TRIO: variants seen among roughly 807,000 people sequenced by gnomAD.
TRIO encodes trio Rho guanine nucleotide exchange factor.
Under a neutral mutation model 351.9 loss-of-function variants are expected in TRIO, and 58 were observed. The observed-to-expected ratio is 0.16, with a 90% CI of 0.13 to 0.21. The LOEUF is 0.21. TRIO is among the 10% of genes least tolerant of loss of function. The pLI is 1.00. For missense variants in TRIO, 3,201 were observed against 4,027.8 expected (o/e 0.79, Z 5.56); for synonymous variants, 1,758 against 1,595.7 (o/e 1.10, Z -2.42).
chr5:14,277,125 A>G (rs556901228), intron 2 of TRIO, among the ~76,000 whole-genome samples: 1 of 152,320 alleles, frequency 6.6e-6, no homozygotes, highest in East Asian at 1.9e-4. Context: ...AGCATTGTGT[A>G]TTCTTAAATC....
intron 55 of TRIO, among the ~76,000 whole-genome samples, chr5:14,505,267 C>G (rs765997228): frequency 3.9e-5 from 6 of 152,230 alleles, no homozygotes; most frequent in Non-Finnish European, 8.8e-5. Flanking sequence ...GGGGTGAGTC[C>G]GGCAGGGAGC....
intron 2 of TRIO, among the ~76,000 whole-genome samples, chr5:14,276,185 T>C (rs1735505316): frequency 6.6e-6 from 1 of 152,202 alleles, no homozygotes; most frequent in Non-Finnish European, 1.5e-5. Context: ...GGTCTAGTTT[T>C]GCAGAGTACT....
chr5:14,434,190 G>A (rs538924873), intron 34 of TRIO, among the ~76,000 whole-genome samples: 96 of 152,304 alleles, frequency 6.3e-4, no homozygotes, highest in African/African-American at 1.8e-3. Context: ...CATATGAGCT[G>A]CTTTTCAACT....
At chr5:14,225,125 G>A (rs920961345) in intron 1 of TRIO, among the ~76,000 whole-genome samples, 6 of 152,108 alleles carry the variant, frequency 3.9e-5, no homozygotes, top group Non-Finnish European at 7.3e-5. Flanking sequence ...AAGTTTATCT[G>A]AATCGTAGAG....
intron 11 of TRIO, among the ~76,000 whole-genome samples, chr5:14,349,456 A>G (rs372434325): frequency 5.9e-5 from 9 of 152,046 alleles, no homozygotes; most frequent in East Asian, 5.8e-4. Flanking sequence ...CTTTCAGACT[A>G]TTTTAGAGGA....
chr5:14,384,276 G>C (rs1746358864), intron 21 of TRIO, among the ~76,000 whole-genome samples: 1 of 152,184 alleles, frequency 6.6e-6, no homozygotes. Flanking sequence ...CTGATCACCA[G>C]CGTCCGCAAT....
intron 15 of TRIO, 69 bp downstream of exon 15, chr5:14,364,885 A>C: frequency 1.3e-6 from 2 of 1,512,564 alleles, no homozygotes. Flanking sequence ...ACTTCCCGGA[A>C]ATTCTGACCT....
In TRIO at chr5:14,143,743, C is replaced by T. The variant is rs1787316498; in HGVS notation, c.18C>T (p.Gly6=). ...CCGCAGCCATGAGCGGCAGCAGCGGCGGAGCCGCCGCCCCCGCCGCGTCCT... is the reference window on the plus strand; with the variant it reads ...CCGCAGCCATGAGCGGCAGCAGCGGTGGAGCCGCCGCCCCCGCCGCGTCCT... MSGSS[G]GAAAPAASSG... The change falls in exon 1 of 57, where the codon GGC becomes GGT. Residue 6 remains glycine (G), a synonymous_variant. Transcript: ENST00000344204. 1 of 981,786 alleles carries T rather than the reference C, an allele frequency of 1.0e-6. No individual in the cohort carries two copies. Among genetic ancestry groups the T allele is most frequent in the African/African-American group, 1.8e-5 (1 of 56,476 alleles). 60.8% of individuals were successfully genotyped at this position (981,786 alleles called of 1,614,324 possible).
At position 14,461,236 on chromosome 5, in the gene TRIO, C is replaced by T. The variant is rs777775688; in HGVS notation, c.5421C>T (p.Arg1807=). The T allele has an allele frequency of 3.1e-6, 5 of 1,587,380 alleles. No homozygotes were observed. Among genetic ancestry groups the T allele is most frequent in the Non-Finnish European group, 4.3e-6 (5 of 1,168,108 alleles). ...AHKHKKSREV[R]KSADAGSQKD... is the part of the protein sequence containing the mutation. Reference sequence around the variant, plus strand: ...AGCACAAGAAGAGCCGCGAGGTCCGCAAGAGCGCCGACGCCGGCTCGCAGA... The same window carrying T: ...AGCACAAGAAGAGCCGCGAGGTCCGTAAGAGCGCCGACGCCGGCTCGCAGA... Residue 1807 remains arginine, a synonymous_variant, in exon 35 of 57, where the codon CGC becomes CGT. Coordinates refer to ENST00000344204, the MANE Select transcript of TRIO (RefSeq NM_007118.4).
At chr5:14,154,414 C>G (rs1787991570) in intron 1 of TRIO, among the ~76,000 whole-genome samples, 1 of 152,050 alleles carries the variant, frequency 6.6e-6, no homozygotes, top group African/African-American at 2.4e-5. Context: ...TGTGGTCACT[C>G]CTGGTTTTGC....
chr5:14,442,356 G>T (rs1010386398), intron 34 of TRIO, among the ~76,000 whole-genome samples: 6 of 152,132 alleles, frequency 3.9e-5, no homozygotes, highest in Non-Finnish European at 7.3e-5. Context: ...AGGGTCTTTC[G>T]GGGTGCAGGG....
At chr5:14,293,254 A>G in intron 6 of TRIO, 120 bp downstream of exon 6, 1 of 1,395,428 alleles carries the variant, frequency 7.2e-7, no homozygotes, top group Non-Finnish European at 9.8e-7. Flanking sequence ...TGATTGTAGC[A>G]GCTGACCTTC....
Position 14,497,127 on chromosome 5 carries a change from C to T in TRIO, c.8019+110C>T, listed in dbSNP as rs919190642. 3.4e-6 allele frequency: 5 copies of T among 1,464,338 alleles called. No homozygotes were observed. The African/African-American group carries it at 7.1e-5, about 21-fold the overall frequency. The allele number at this position is 1,464,338 out of a possible 1,614,324, so 90.7% of individuals were successfully genotyped here. On this transcript the variant is annotated intron_variant, in intron 50 of 56. Coordinates refer to ENST00000344204, the MANE Select transcript of TRIO (RefSeq NM_007118.4). The surrounding 1 kb of genome is among the most constrained non-coding windows in gnomAD (Gnocchi z 4.4). Reference sequence around the variant, plus strand: ...CTGGGCTTGCTTATGACCTCCCTCCCACCCACCAGCCCCGTGCCCTGCGTG... The same window carrying T: ...CTGGGCTTGCTTATGACCTCCCTCCTACCCACCAGCCCCGTGCCCTGCGTG...
At chr5:14,333,077 C>G (rs1741055985) in intron 10 of TRIO, among the ~76,000 whole-genome samples, 1 of 152,166 alleles carries the variant, frequency 6.6e-6, no homozygotes, top group Admixed American at 6.5e-5. Context: ...AATAATGAGA[C>G]TTGGCTCTTC....
chr5:14,361,508 C>A (rs931612446), intron 13 of TRIO, among the ~76,000 whole-genome samples: 3 of 151,956 alleles, frequency 2.0e-5, no homozygotes, highest in Admixed American at 2.0e-4. Flanking sequence ...AAATGAAAAT[C>A]TGAGCAGTTC....
intron 19 of TRIO, among the ~76,000 whole-genome samples, chr5:14,376,178 G>A (rs903193816): frequency 3.9e-5 from 6 of 152,202 alleles, no homozygotes; most frequent in African/African-American, 1.4e-4. Context: ...CAGACTGCTA[G>A]GAACTCAGTA....
At chr5:14,268,725 G>T (rs181274800) in intron 1 of TRIO, among the ~76,000 whole-genome samples, 2 of 152,166 alleles carry the variant, frequency 1.3e-5, no homozygotes, top group African/African-American at 4.8e-5. Flanking sequence ...ATAGCACTTC[G>T]TGCTGCCTAT....
At chr5:14,400,922 A>G (rs747183606) in intron 30 of TRIO, 41 bp from the exon 31 acceptor site, 2 of 1,593,906 alleles carry the variant, frequency 1.3e-6, no homozygotes, top group South Asian at 2.2e-5. Context: ...TCCTTCTAGA[A>G]TTTTACTGTC....
intron 1 of TRIO, among the ~76,000 whole-genome samples, chr5:14,237,611 C>T (rs1329246166): frequency 2.0e-5 from 3 of 152,194 alleles, no homozygotes; most frequent in East Asian, 1.9e-4. Context: ...TGGAAATCAA[C>T]AGTTGTAGCC....
Sources: allele counts gnomAD v4.1 joint callset (sites outside exome capture counted in the v4.1 genomes callset), GRCh38; gene constraint gnomAD v4.1.1; non-coding constraint Gnocchi (gnomAD v3.1); transcripts MANE v1.5; gene names NCBI Gene and HGNC (gene_info 2026-07-23, HGNC 2026-07-21).